Variants in P3H2 observed in about 807,000 individuals in gnomAD.
The protein encoded by P3H2 is prolyl 3-hydroxylase 2, also known as leprecan-like 1.
P3H2 carries 80 observed loss-of-function variants against 87.0 expected under a neutral mutation model. The observed-to-expected ratio is 0.92, with a 90% CI of 0.77 to 1.11. P3H2 has a LOEUF of 1.11. Among genes scored for constraint, P3H2 ranks in the 50% least tolerant of loss-of-function variants. The pLI is 0.00. For synonymous variants in P3H2, 367 were observed against 359.3 expected, an observed-to-expected ratio of 1.02 and a Z score of -0.24; for missense variants, 1,001 against 923.9, an observed-to-expected ratio of 1.08 and a Z score of -1.08.
intron 2 of P3H2, among the ~76,000 whole-genome samples, chr3:189,994,958 G>A (rs1435544835): frequency 6.6e-6 from 1 of 151,898 alleles, no homozygotes; most frequent in Non-Finnish European, 1.5e-5. Context: ...TATCAGAAAG[G>A]TTCAGAGAGG....
At chr3:189,997,221 C>G (rs1168199558) in intron 1 of P3H2, among the ~76,000 whole-genome samples, 1 of 152,148 alleles carries the variant, frequency 6.6e-6, no homozygotes, top group South Asian at 2.1e-4. Context: ...GGGGTTTCAC[C>G]ATGTTGGCCA....
intron 1 of P3H2, among the ~76,000 whole-genome samples, chr3:190,000,608 T>C (rs927543422): frequency 7.9e-5 from 12 of 152,202 alleles, no homozygotes; most frequent in African/African-American, 2.9e-4. Flanking sequence ...TTCAATGTAA[T>C]TTTTGAGCTG....
chr3:190,012,207 GGTGT>G (rs3062120), intron 1 of P3H2, among the ~76,000 whole-genome samples: 30,242 of 145,458 alleles, frequency 0.21, 3,319 homozygotes, highest in Middle Eastern at 0.41. Flanking sequence ...TGTAGGTAAA[GGTGT>G]GTGTGTGTGT....
At chr3:189,983,545 T>C (rs542845067) in intron 7 of P3H2, 1 of 167,386 alleles carries the variant, frequency 6.0e-6, no homozygotes, top group African/African-American at 2.4e-5. Context: ...GTAGTAGTTC[T>C]TGACTATTGT....
At chr3:189,975,718 T>A (rs1723330099) in intron 8 of P3H2, among the ~76,000 whole-genome samples, 1 of 152,198 alleles carries the variant, frequency 6.6e-6, no homozygotes, top group Non-Finnish European at 1.5e-5. Flanking sequence ...GATGTCTACT[T>A]TATAAAATAG....
intron 1 of P3H2, among the ~76,000 whole-genome samples, chr3:190,104,061 G>A (rs896914447): frequency 2.0e-5 from 3 of 152,106 alleles, no homozygotes; most frequent in Non-Finnish European, 4.4e-5. Flanking sequence ...CAAAGTGCTG[G>A]AATTGCAGGA....
intron 1 of P3H2, among the ~76,000 whole-genome samples, chr3:190,000,168 T>A (rs1724166760): frequency 6.6e-6 from 1 of 152,210 alleles, no homozygotes; most frequent in African/African-American, 2.4e-5. Context: ...GGGATTTGGC[T>A]CTGTTTTTCC....
chr3:189,988,463 G>A (rs1050665712), intron 4 of P3H2, among the ~76,000 whole-genome samples: 2 of 152,010 alleles, frequency 1.3e-5, no homozygotes, highest in Non-Finnish European at 2.9e-5. Context: ...TATATACTCT[G>A]AGATGACTCT....
intron 1 of P3H2, among the ~76,000 whole-genome samples, chr3:190,016,207 TG>T (rs1244856723): frequency 6.6e-6 from 1 of 152,226 alleles, no homozygotes; most frequent in East Asian, 1.9e-4. Flanking sequence ...ATGTGTATAA[TG>T]GGAATATTAA....
chr3:190,004,351 G>T (rs1207933947), intron 1 of P3H2, among the ~76,000 whole-genome samples: 1 of 152,134 alleles, frequency 6.6e-6, no homozygotes, highest in Non-Finnish European at 1.5e-5. Context: ...GGTAATTATT[G>T]ACAAGGGTAC....
intron 1 of P3H2, among the ~76,000 whole-genome samples, chr3:190,075,209 G>A (rs1319993359): frequency 6.6e-6 from 1 of 152,202 alleles, no homozygotes; most frequent in Non-Finnish European, 1.5e-5. Flanking sequence ...AGTGCAGCTG[G>A]GCACAGTGGC....
chr3:190,102,218 G>A (rs974917425), intron 1 of P3H2, among the ~76,000 whole-genome samples: 1 of 152,172 alleles, frequency 6.6e-6, no homozygotes, highest in Non-Finnish European at 1.5e-5. Flanking sequence ...CTGTAATAGA[G>A]GAGTAACTTT....
At position 189,957,119 on chromosome 3, in the gene P3H2, G is replaced by A. The variant is rs542289403; in HGVS notation, c.*793C>T. On this transcript the variant is annotated 3_prime_UTR_variant, in exon 15 of 15. Transcript: ENST00000319332. Reference sequence around the variant, plus strand: ...ACACCAGAGCCAAAAATTCCACCAAGGCCCTGGAAAGACTGAAGTCCCCTC... The same window carrying A: ...ACACCAGAGCCAAAAATTCCACCAAAGCCCTGGAAAGACTGAAGTCCCCTC... 1 of 398,502 alleles carries A rather than the reference G, an allele frequency of 2.5e-6. No homozygotes were observed. The highest frequency in any genetic ancestry group is 4.4e-6 in the Non-Finnish European group (1 of 226,068). The allele number at this position is 398,502 out of a possible 1,614,324, so 24.7% of individuals were successfully genotyped here. A position where few individuals can be genotyped will look rare whatever the true frequency, so the allele number is the denominator to read the frequency against.
At chr3:190,065,982 T>C (rs186675441) in intron 1 of P3H2, among the ~76,000 whole-genome samples, 3 of 152,024 alleles carry the variant, frequency 2.0e-5, no homozygotes, top group African/African-American at 7.3e-5. Flanking sequence ...TTCAGGAGTG[T>C]GCTATATAAT....
intron 6 of P3H2, among the ~76,000 whole-genome samples, chr3:189,986,108 A>G (rs1054111507): frequency 2.0e-5 from 3 of 152,216 alleles, no homozygotes; most frequent in Non-Finnish European, 4.4e-5. Context: ...ATTCTCTTTA[A>G]TGTTTAGGTA....
chr3:189,972,889 G>A lies in P3H2; in HGVS notation c.1684C>T (p.Arg562Ter), dbSNP rs772782439. 4.3e-6 allele frequency: 7 copies of A among 1,613,910 alleles called. No homozygotes were observed. Among genetic ancestry groups the A allele is most frequent in the Non-Finnish European group, 5.9e-6 (7 of 1,179,966 alleles). Residue 562 changes from arginine (R) to a stop codon, truncating the protein, a stop_gained, in exon 11 of 15, where the codon CGA becomes TGA. Coordinates refer to ENST00000319332, the MANE Select transcript of P3H2 (RefSeq NM_018192.4). LOFTEE classifies it high-confidence loss of function. ...GCAATCTCACCAGACAGGGCTGTTCGGCAGACCATGTGTGTATAGGAAAAA... is the reference window on the plus strand; with the variant it reads ...GCAATCTCACCAGACAGGGCTGTTCAGCAGACCATGTGTGTATAGGAAAAA... ...LYFSYTHMVC[R>*]TALSGQQDRR...
chr3:190,004,549 A>AT, intron 1 of P3H2, among the ~76,000 whole-genome samples: 1 of 151,662 alleles, frequency 6.6e-6, no homozygotes, highest in Non-Finnish European at 1.5e-5. Context: ...CGCCCGGCTA[A>AT]TTTTTTGTAT....
chr3:190,013,312 A>G (rs979780525), intron 1 of P3H2, among the ~76,000 whole-genome samples: 1 of 152,264 alleles, frequency 6.6e-6, no homozygotes, highest in African/African-American at 2.4e-5. Flanking sequence ...TTTAAAAATT[A>G]TGGCAGCTGG....
chr3:189,963,110 CA>C (rs1383585731), intron 14 of P3H2, among the ~76,000 whole-genome samples: 1 of 152,104 alleles, frequency 6.6e-6, no homozygotes, highest in Non-Finnish European at 1.5e-5. Context: ...GTGTGGAGCC[CA>C]AATTTTCCCT....
Sources: allele counts gnomAD v4.1 joint callset (sites outside exome capture counted in the v4.1 genomes callset), GRCh38; gene constraint gnomAD v4.1.1; transcripts MANE v1.5; gene names NCBI Gene and HGNC (gene_info 2026-07-23, HGNC 2026-07-21).